PIGU: variants seen among roughly 807,000 people sequenced by gnomAD.
PIGU encodes phosphatidylinositol glycan anchor biosynthesis class U, also known as GPI-anchor transamidase component PIGU.
PIGU carries 24 observed loss-of-function variants against 49.9 expected under a neutral mutation model. The ratio of observed to expected loss-of-function variants is 0.48; its 90% CI spans 0.35 to 0.68. The LOEUF (loss-of-function observed/expected upper bound fraction) is 0.68. Among genes scored for constraint, PIGU ranks in the 30% least tolerant of loss-of-function variants. The pLI is 0.01. For missense variants in PIGU, 490 were observed against 532.6 expected (o/e 0.92, Z 0.79); for synonymous variants, 220 against 205.7 (o/e 1.07, Z -0.59).
intron 11 of PIGU, among the ~76,000 whole-genome samples, chr20:34,563,087 A>T (rs1375615382): frequency 1.3e-5 from 2 of 152,120 alleles, no homozygotes; most frequent in African/African-American, 2.4e-5. Flanking sequence ...TTTTGCAGAT[A>T]AAAAAATGGT....
chr20:34,567,945 C>T (rs1982844149), intron 11 of PIGU, among the ~76,000 whole-genome samples: 1 of 152,138 alleles, frequency 6.6e-6, no homozygotes, highest in Admixed American at 6.6e-5. Context: ...TCCTTAACAG[C>T]CCAGCTCTGG....
intron 11 of PIGU, 96 bp from the exon 12 acceptor site, chr20:34,561,075 G>T: frequency 1.2e-6 from 1 of 811,622 alleles, no homozygotes; most frequent in Non-Finnish European, 2.0e-6. Flanking sequence ...AGACAGGAAC[G>T]CCCCTGCCTG....
intron 10 of PIGU, among the ~76,000 whole-genome samples, chr20:34,580,433 A>G (rs540343501): frequency 6.6e-6 from 1 of 152,326 alleles, no homozygotes; most frequent in African/African-American, 2.4e-5. Flanking sequence ...ACCTTCACTC[A>G]GAGGCACACT....
intron 1 of PIGU, among the ~76,000 whole-genome samples, chr20:34,667,884 G>A (rs547149913): frequency 2.6e-5 from 4 of 152,120 alleles, no homozygotes; most frequent in African/African-American, 9.7e-5. Context: ...GGAGAAATCT[G>A]GCAGACACTA....
At chr20:34,613,262 C>A (rs1259926802) in intron 7 of PIGU, among the ~76,000 whole-genome samples, 1 of 152,198 alleles carries the variant, frequency 6.6e-6, no homozygotes, top group Non-Finnish European at 1.5e-5. Context: ...CGACAAGCTG[C>A]TGCCAAAGCA....
intron 2 of PIGU, 77 bp downstream of exon 2, chr20:34,657,103 C>T (rs1986727101): frequency 1.8e-6 from 2 of 1,136,426 alleles, no homozygotes; most frequent in Admixed American, 2.1e-5. Flanking sequence ...AATGTTTGTA[C>T]AAAACAGAGG....
At chr20:34,609,458 G>A (rs1222195516) in intron 7 of PIGU, among the ~76,000 whole-genome samples, 3 of 151,462 alleles carry the variant, frequency 2.0e-5, no homozygotes, top group East Asian at 1.9e-4. Context: ...TCCACCTTCC[G>A]CGTTCAAGCA....
intron 1 of PIGU, among the ~76,000 whole-genome samples, chr20:34,659,513 G>A (rs1354187475): frequency 4.6e-5 from 7 of 152,166 alleles, no homozygotes; most frequent in Non-Finnish European, 8.8e-5. Flanking sequence ...GGGAAGTGAG[G>A]AGCCCCTCTG....
At chr20:34,591,533 T>G (rs1983986837) in intron 7 of PIGU, among the ~76,000 whole-genome samples, 1 of 152,218 alleles carries the variant, frequency 6.6e-6, no homozygotes, top group South Asian at 2.1e-4. Flanking sequence ...AAACCCACAT[T>G]GACTTCAAGG....
chr20:34,635,883 A>G (rs1056458697), intron 5 of PIGU, among the ~76,000 whole-genome samples: 1 of 151,876 alleles, frequency 6.6e-6, no homozygotes, highest in African/African-American at 2.4e-5. Context: ...CTCAAAAAAA[A>G]AAAAGAACAG....
chr20:34,575,816 TGACACC>T (rs1217760690), intron 10 of PIGU, among the ~76,000 whole-genome samples: 1 of 152,192 alleles, frequency 6.6e-6, no homozygotes, highest in African/African-American at 2.4e-5. Context: ...GACCTCTTTT[TGACACC>T]GTCTCTCACT....
At chr20:34,589,014 T>G (rs191812848) in intron 7 of PIGU, among the ~76,000 whole-genome samples, 92 of 152,132 alleles carry the variant, frequency 6.0e-4, no homozygotes, top group African/African-American at 2.2e-3. Context: ...CTAAAAAATA[T>G]GAGGTTAGTT....
intron 7 of PIGU, among the ~76,000 whole-genome samples, chr20:34,597,038 T>TG (rs995810180): frequency 4.6e-5 from 7 of 152,060 alleles, no homozygotes; most frequent in Non-Finnish European, 7.4e-5. Context: ...CATATTTGGT[T>TG]GGGGGGGTTG....
intron 6 of PIGU, 148 bp downstream of exon 6, chr20:34,634,467 C>G (rs1985893281): frequency 7.9e-7 from 1 of 1,265,756 alleles, no homozygotes; most frequent in East Asian, 3.3e-5. Flanking sequence ...ACTACATTTT[C>G]TAAATAATCT....
At chr20:34,630,701 C>G (rs139511757) in intron 6 of PIGU, among the ~76,000 whole-genome samples, 1 of 152,034 alleles carries the variant, frequency 6.6e-6, no homozygotes, top group African/African-American at 2.4e-5. Context: ...AGCTGGAGTA[C>G]AGTGGCACAA....
rs79374072 is a variant in PIGU at position 34,571,332 on chromosome 20, G to A, written c.1194+3772C>T. On this transcript the variant is annotated intron_variant, in intron 11 of 11. Coordinates refer to ENST00000217446, the MANE Select transcript of PIGU (RefSeq NM_080476.5). ...GGCCTTAGTCACTGGTTTACCTGCC[G>A]GTATAACTAATAATCCACACATAAT... Among the ~76,000 whole-genome samples, 1,231 of 152,116 alleles carry A rather than the reference G, an allele frequency of 8.1e-3. 20 individuals are homozygous for A. Among genetic ancestry groups the A allele is most frequent in the African/African-American group, 0.028 (1,181 of 41,464 alleles).
chr20:34,586,960 G>A (rs1239070068), intron 8 of PIGU, among the ~76,000 whole-genome samples: 3 of 152,132 alleles, frequency 2.0e-5, no homozygotes, highest in Non-Finnish European at 2.9e-5. Flanking sequence ...AGACCTTGGC[G>A]ATGACCTTGA....
intron 2 of PIGU, among the ~76,000 whole-genome samples, chr20:34,653,063 C>T (rs1986594322): frequency 6.6e-6 from 1 of 151,702 alleles, no homozygotes; most frequent in Non-Finnish European, 1.5e-5. Flanking sequence ...AGCTCCGCCT[C>T]CCAGGTTCAA....
In PIGU at chr20:34,674,496, A is replaced by T. The variant is rs139886429; in HGVS notation, c.130+2460T>A. Among the ~76,000 whole-genome samples, 423 of 152,320 alleles carry T rather than the reference A, an allele frequency of 2.8e-3. 1 individual carries two copies. Among genetic ancestry groups the T allele is most frequent in the African/African-American group, 9.7e-3 (402 of 41,586 alleles). The stretch of plus-strand genomic sequence containing the variant: ...GGATCCTTCACCTGTCCATCCTGTA[A>T]GTAACCTCCTGTAAGTAACCAGATC... On this transcript the variant is annotated intron_variant, in intron 1 of 11. Coordinates refer to ENST00000217446, the MANE Select transcript of PIGU (RefSeq NM_080476.5).
Sources: gnomAD v4.1 joint callset for allele counts (sites outside exome capture counted in the v4.1 genomes callset) on GRCh38, gnomAD v4.1.1 for gene constraint, MANE v1.5 for transcripts, NCBI Gene and HGNC (gene_info 2026-07-23, HGNC 2026-07-21) for gene names.